Variants in DCC observed in about 807,000 individuals in gnomAD.
DCC encodes the protein DCC netrin 1 receptor.
A neutral mutation model predicts 172.5 loss-of-function variants in DCC; 58 were observed. That is an observed-to-expected ratio of 0.34 (90% CI 0.27 to 0.42). The LOEUF (loss-of-function observed/expected upper bound fraction) is 0.42, where lower values mean the gene tolerates loss of function less well. Among genes scored for constraint, DCC ranks in the 10% least tolerant of loss-of-function variants. The pLI, the probability that DCC is intolerant of heterozygous loss-of-function variation, is 1.00. For missense variants in DCC, 1,740 were observed against 1,791.0 expected, an observed-to-expected ratio of 0.97 and a Z score of 0.51; for synonymous variants, 709 against 644.5, an observed-to-expected ratio of 1.10 and a Z score of -1.52.
chr18:53,179,038 A>G lies in DCC; in HGVS notation c.1495A>G (p.Thr499Ala). ...VGNLKPEAMYTFRVVAYNEWG... is the reference protein window; with the variant it reads ...VGNLKPEAMYAFRVVAYNEWG... ...AAACCTGAAGCCAGAAGCCATGTAC[A>G]CCTTTCGAGTTGTGGCTTACAATGA... Residue 499 changes from threonine (T) to alanine (A), a missense_variant, in exon 9 of 29, where the codon ACC (threonine) becomes GCC (alanine). By Grantham distance (58) the Thr-to-Ala change is moderately conservative. Around this residue, in one of 2 missense-constraint regions of DCC, gnomAD observed 1,732 missense variants for 1,767.4 expected, o/e 0.98. Coordinates refer to ENST00000442544, the MANE Select transcript of DCC (RefSeq NM_005215.4). 6.2e-7 allele frequency: 1 copy of G among 1,613,998 alleles called. No homozygotes were observed. The highest frequency in any genetic ancestry group is 1.1e-5 in the South Asian group (1 of 91,076).
chr18:53,483,847 T>G (rs1469595879), intron 25 of DCC, among the ~76,000 whole-genome samples: 2 of 151,864 alleles, frequency 1.3e-5, no homozygotes, highest in African/African-American at 4.8e-5. Flanking sequence ...TGAATGGGGC[T>G]TTTTGTACAT....
intron 11 of DCC, among the ~76,000 whole-genome samples, chr18:53,213,387 C>T (rs923019910): frequency 1.3e-5 from 2 of 151,958 alleles, no homozygotes; most frequent in Admixed American, 1.3e-4. Flanking sequence ...TAGTGGCTCA[C>T]TCCTGTAATC....
chr18:53,256,071 TC>T (rs1437260329), intron 12 of DCC, among the ~76,000 whole-genome samples: 12 of 152,210 alleles, frequency 7.9e-5, no homozygotes, highest in Admixed American at 7.9e-4. Flanking sequence ...TTTGTTTTTT[TC>T]TTGTAAATTT....
chr18:53,339,626 A>G, intron 14 of DCC, 87 bp from the exon 15 acceptor site: 1 of 992,376 alleles, frequency 1.0e-6, no homozygotes, highest in Non-Finnish European at 1.6e-6. Context: ...CATCTATGAA[A>G]TATGATTTCT....
At chr18:53,482,334 A>C (rs945657103) in intron 25 of DCC, among the ~76,000 whole-genome samples, 1 of 152,130 alleles carries the variant, frequency 6.6e-6, no homozygotes, top group Non-Finnish European at 1.5e-5. Context: ...CAACAGATTT[A>C]TTATTTTTGA....
chr18:53,118,230 G>T (rs2043434909), intron 7 of DCC, among the ~76,000 whole-genome samples: 1 of 151,688 alleles, frequency 6.6e-6, no homozygotes, highest in African/African-American at 2.4e-5. Flanking sequence ...TTCTAAACCA[G>T]CTCTTATAGG....
chr18:53,382,984 A>G (rs993237935), intron 15 of DCC, among the ~76,000 whole-genome samples: 1 of 152,128 alleles, frequency 6.6e-6, no homozygotes, highest in Admixed American at 6.5e-5. Flanking sequence ...TTATTTTGAT[A>G]TAAAACCCAG....
chr18:52,788,675 T>C (rs2037706086), intron 2 of DCC, among the ~76,000 whole-genome samples: 1 of 152,196 alleles, frequency 6.6e-6, no homozygotes, highest in Non-Finnish European at 1.5e-5. Flanking sequence ...TCAGAACTAG[T>C]ATGATTTTTC....
At chr18:53,243,886 AT>A (rs887382546) in intron 12 of DCC, among the ~76,000 whole-genome samples, 3 of 152,130 alleles carry the variant, frequency 2.0e-5, no homozygotes, top group African/African-American at 7.2e-5. Flanking sequence ...CAACACACAA[AT>A]CTTCTCGTTA....
rs181696779 is a variant in DCC at position 53,346,088 on chromosome 18, G to A, written c.2359+6181G>A. On this transcript the variant is annotated intron_variant, in intron 15 of 28. Coordinates refer to ENST00000442544, the MANE Select transcript of DCC (RefSeq NM_005215.4). ...GGCTCACTGCAGCCTTGACCTCCCA[G>A]GCTCAAGTAATCCTGCTGCCTCAGC... Among the ~76,000 whole-genome samples the A allele has an allele frequency of 3.4e-4, 52 of 152,162 alleles. 1 individual carries two copies. The highest frequency in any genetic ancestry group is 6.8e-3 in the Middle Eastern group (2 of 294).
chr18:53,243,907 G>A (rs1318390940), intron 12 of DCC, among the ~76,000 whole-genome samples: 1 of 152,070 alleles, frequency 6.6e-6, no homozygotes, highest in Non-Finnish European at 1.5e-5. Context: ...AGCCAAAAAA[G>A]CAAGCTTATG....
At chr18:53,222,755 T>C (rs979987509) in intron 12 of DCC, among the ~76,000 whole-genome samples, 1 of 152,152 alleles carries the variant, frequency 6.6e-6, no homozygotes, top group Non-Finnish European at 1.5e-5. Context: ...AGGTTTCCTA[T>C]TGGAGATATT....
At position 53,318,804 on chromosome 18, in the gene DCC, T is replaced by C. The variant is rs904315136; in HGVS notation, c.2054-3243T>C. ...TTGAGAAAAGCAACCCCAAGATACA[T>C]AATGGTCAGATTCACCAAGGTTAAA... On this transcript the variant is annotated intron_variant, in intron 13 of 28. Coordinates refer to ENST00000442544, the MANE Select transcript of DCC (RefSeq NM_005215.4). Among the ~76,000 whole-genome samples, 8 of 144,326 alleles carry C rather than the reference T, an allele frequency of 5.5e-5. No homozygotes were observed. The East Asian group carries it at 8.8e-4, about 16-fold the overall frequency. The allele number at this position is 144,326 out of a possible 152,430, so 94.7% of individuals were successfully genotyped here. A position where few individuals can be genotyped will look rare whatever the true frequency, so the allele number is the denominator to read the frequency against.
At chr18:53,137,930 C>T (rs4578737) in intron 7 of DCC, among the ~76,000 whole-genome samples, 46,947 of 151,564 alleles carry the variant, frequency 0.31, 9,083 homozygotes, top group East Asian at 0.58. Context: ...GTCTTCCCAC[C>T]TCAGCTTCCC....
rs775565634 is a variant in DCC at position 53,339,808 on chromosome 18, G to A, written c.2260G>A (p.Val754Met). The change falls in exon 15 of 29, where the codon GTG (valine) becomes ATG (methionine). Residue 754 changes from valine (V) to methionine (M), a missense_variant. Coordinates refer to ENST00000442544, the MANE Select transcript of DCC (RefSeq NM_005215.4). ...GACTCCTCCCTTGAACCCAAACATCGTGGTGCGAGGTTATATTATCGGTTA... is the reference window on the plus strand; with the variant it reads ...GACTCCTCCCTTGAACCCAAACATCATGGTGCGAGGTTATATTATCGGTTA... ...SWTPPLNPNI[V>M]VRGYIIGYGV... is the part of the protein sequence containing the mutation. The A allele has an allele frequency of 4.6e-5, 75 of 1,613,878 alleles. No homozygotes were observed. The East Asian group carries it at 1.4e-3, about 29-fold the overall frequency.
rs762358344 is a variant in DCC, at chr18:52,807,771, C to CGGAT, written c.412+55397_412+55398insGGAT. On this transcript the variant is annotated intron_variant, in intron 2 of 28. Coordinates refer to ENST00000442544, the MANE Select transcript of DCC (RefSeq NM_005215.4). The stretch of plus-strand genomic sequence containing the variant: ...ACTCTACTGCAAACAGGTGTTTATC[C>CGGAT]TCTTTGCGAAATGCTGCTTTAACAT... Among the ~76,000 whole-genome samples, 3 of 152,102 alleles carry CGGAT rather than the reference C, an allele frequency of 2.0e-5. No homozygotes were observed. In the South Asian group the frequency reaches 6.2e-4, roughly 32 times the overall value.
chr18:53,210,472 A>G (rs1460800909), intron 11 of DCC, among the ~76,000 whole-genome samples: 2 of 152,198 alleles, frequency 1.3e-5, no homozygotes, highest in African/African-American at 4.8e-5. Context: ...TTATATTAAT[A>G]TTAAATACCC....
chr18:53,310,681 T>G (rs1169178864), intron 13 of DCC, among the ~76,000 whole-genome samples: 1 of 152,164 alleles, frequency 6.6e-6, no homozygotes, highest in Admixed American at 6.6e-5. Context: ...ATGGTCAATA[T>G]ATAATAAACA....
intron 15 of DCC, among the ~76,000 whole-genome samples, chr18:53,358,926 A>G (rs2057913195): frequency 1.3e-5 from 2 of 152,326 alleles, no homozygotes; most frequent in Admixed American, 6.5e-5. Flanking sequence ...CTATAAGACC[A>G]GTGATTGCAT....
Sources: allele counts gnomAD v4.1 joint callset (sites outside exome capture counted in the v4.1 genomes callset), GRCh38; gene constraint gnomAD v4.1.1; regional missense constraint gnomAD v4.1.1; transcripts MANE v1.5; gene names NCBI Gene and HGNC (gene_info 2026-07-23, HGNC 2026-07-21).